The following CACNA2D1 variants were observed in gnomAD, a reference collection of about 807,000 sequenced individuals.
CACNA2D1 encodes calcium voltage-gated channel auxiliary subunit alpha2delta 1.
A neutral mutation model predicts 171.5 loss-of-function variants in CACNA2D1; 53 were observed. That is an observed-to-expected ratio of 0.31 (90% CI 0.25 to 0.39). CACNA2D1 has a LOEUF of 0.39. CACNA2D1 is among the 10% of genes least tolerant of loss of function. The pLI, the probability that CACNA2D1 is intolerant of heterozygous loss-of-function variation, is 1.00. For missense variants in CACNA2D1, 903 were observed against 1,299.8 expected (o/e 0.69, Z 4.69); for synonymous variants, 442 against 443.1 (o/e 1.00, Z 0.03).
intron 4 of CACNA2D1, among the ~76,000 whole-genome samples, chr7:82,140,097 T>C (rs1275299266): frequency 6.6e-6 from 1 of 152,114 alleles, no homozygotes; most frequent in Non-Finnish European, 1.5e-5. Flanking sequence ...GGCCTTGACA[T>C]TTCCATTCTA....
At chr7:82,101,344 A>C (rs1812654679) in intron 6 of CACNA2D1, among the ~76,000 whole-genome samples, 1 of 152,108 alleles carries the variant, frequency 6.6e-6, no homozygotes. Flanking sequence ...GCATGGCCAA[A>C]GTCTTGGGGG....
At position 82,246,892 on chromosome 7, in the gene CACNA2D1, C is replaced by A. The variant is rs868050519; in HGVS notation, c.295-76283G>T. Among the ~76,000 whole-genome samples, 7 of 152,062 alleles carry A rather than the reference C, an allele frequency of 4.6e-5. No individual in the cohort carries two copies. The South Asian group carries it at 6.2e-4, about 14-fold the overall frequency. ...ATTCTTACCTCTCTCCCCACCATCA[C>A]CCCACAAATACACACTTAAAGAAGA... On this transcript the variant is annotated intron_variant, in intron 3 of 38. Coordinates refer to ENST00000356860, the MANE Select transcript of CACNA2D1 (RefSeq NM_000722.4).
At chr7:82,305,370 A>G (rs2129428975) in intron 3 of CACNA2D1, among the ~76,000 whole-genome samples, 1 of 152,324 alleles carries the variant, frequency 6.6e-6, no homozygotes, top group East Asian at 1.9e-4. Context: ...TCTACAAATT[A>G]ACGATAATCC....
intron 7 of CACNA2D1, among the ~76,000 whole-genome samples, chr7:82,081,386 T>G (rs1490220156): frequency 1.3e-5 from 2 of 152,196 alleles, no homozygotes; most frequent in Non-Finnish European, 2.9e-5. Context: ...CGCCCACTTT[T>G]AAAGTTATGA....
chr7:82,293,290 CTT>C (rs1159337284), intron 3 of CACNA2D1, among the ~76,000 whole-genome samples: 1 of 151,644 alleles, frequency 6.6e-6, no homozygotes, highest in African/African-American at 2.4e-5. Context: ...TTGCTTTTGT[CTT>C]TTTTTTCTTT....
intron 3 of CACNA2D1, among the ~76,000 whole-genome samples, chr7:82,284,545 CA>C (rs1322783089): frequency 6.6e-6 from 1 of 152,168 alleles, no homozygotes; most frequent in African/African-American, 2.4e-5. Flanking sequence ...AAGACCAAGG[CA>C]CCAGTACATT....
intron 3 of CACNA2D1, among the ~76,000 whole-genome samples, chr7:82,288,283 C>T (rs1811086032): frequency 6.6e-6 from 1 of 151,852 alleles, no homozygotes; most frequent in Admixed American, 6.6e-5. Flanking sequence ...CCCTTTTATC[C>T]TACCCTTGTC....
chr7:82,103,504 C>A (rs1240121642), intron 6 of CACNA2D1, among the ~76,000 whole-genome samples: 1 of 152,038 alleles, frequency 6.6e-6, no homozygotes. Flanking sequence ...TACTTTTGTA[C>A]ATAATTCTTA....
intron 9 of CACNA2D1, among the ~76,000 whole-genome samples, chr7:82,062,729 CTTTTTTTTTTTTTTTTTT>C (rs71520797): frequency 9.6e-5 from 5 of 52,170 alleles, no homozygotes; most frequent in Non-Finnish European, 1.7e-4. Flanking sequence ...GGTATATCTC[CTTTTTTTTTTTTTTTTTT>C]TTTTTTTTTT....
At chr7:82,101,451 G>A (rs552299583) in intron 6 of CACNA2D1, among the ~76,000 whole-genome samples, 2 of 152,104 alleles carry the variant, frequency 1.3e-5, no homozygotes, top group Admixed American at 1.3e-4. Flanking sequence ...ACAGATGGAA[G>A]TAATAAGACA....
At chr7:82,405,239 T>C (rs184364750) in intron 1 of CACNA2D1, among the ~76,000 whole-genome samples, 43 of 152,242 alleles carry the variant, frequency 2.8e-4, no homozygotes, top group African/African-American at 9.6e-4. Flanking sequence ...TAGACAATAG[T>C]AGTAACATAA....
chr7:82,409,563 C>T (rs1827421591), intron 1 of CACNA2D1, among the ~76,000 whole-genome samples: 2 of 152,278 alleles, frequency 1.3e-5, no homozygotes, highest in South Asian at 4.1e-4. Context: ...ATACCAATGC[C>T]AGGCCAATTA....
At chr7:81,983,768 T>G (rs899654221) in intron 22 of CACNA2D1, among the ~76,000 whole-genome samples, 3 of 152,184 alleles carry the variant, frequency 2.0e-5, no homozygotes, top group African/African-American at 7.2e-5. Context: ...AAATGTACTA[T>G]GTATAATGCA....
In CACNA2D1 at chr7:82,179,623, T is replaced by C. The variant is rs1026338924; in HGVS notation, c.295-9014A>G. ...TCCCATGTGACCGCTCCTTTACATA[T>C]CTAGCAATTATTTTTTACTACCATG... is the stretch of plus-strand genomic sequence containing the variant. On this transcript the variant is annotated intron_variant, in intron 3 of 38. Coordinates refer to ENST00000356860, the MANE Select transcript of CACNA2D1 (RefSeq NM_000722.4). 3.9e-5 allele frequency among the ~76,000 whole-genome samples: 6 copies of C among 152,080 alleles called. No individual in the cohort carries two copies. In the East Asian group the frequency reaches 7.7e-4, roughly 20 times the overall value.
chr7:82,333,206 A>G (rs1341873315), intron 3 of CACNA2D1, among the ~76,000 whole-genome samples: 1 of 152,224 alleles, frequency 6.6e-6, no homozygotes, highest in African/African-American at 2.4e-5. Context: ...ATATAATACA[A>G]ATCAAAATCC....
chr7:82,002,601 C>G (rs894864801), intron 18 of CACNA2D1, among the ~76,000 whole-genome samples: 4 of 152,026 alleles, frequency 2.6e-5, no homozygotes, highest in Non-Finnish European at 5.9e-5. Flanking sequence ...ATAGATTATG[C>G]ACAATTTCCT....
intron 1 of CACNA2D1, among the ~76,000 whole-genome samples, chr7:82,408,661 T>G (rs150924514): frequency 6.6e-6 from 1 of 152,210 alleles, no homozygotes; most frequent in African/African-American, 2.4e-5. Flanking sequence ...TTTCTACTTT[T>G]GTTTAGTGTT....
intron 3 of CACNA2D1, among the ~76,000 whole-genome samples, chr7:82,277,091 G>A (rs1809443436): frequency 6.6e-6 from 1 of 152,080 alleles, no homozygotes; most frequent in Non-Finnish European, 1.5e-5. Context: ...GCCATTTAGA[G>A]ATCGTTCAAA....
intron 3 of CACNA2D1, among the ~76,000 whole-genome samples, chr7:82,247,164 C>CA: frequency 6.6e-6 from 1 of 152,024 alleles, no homozygotes; most frequent in Non-Finnish European, 1.5e-5. Context: ...AAAGCTTTAC[C>CA]AATATTCTTT....
Sources: gnomAD v4.1 joint callset for allele counts (sites outside exome capture counted in the v4.1 genomes callset) on GRCh38, gnomAD v4.1.1 for gene constraint, MANE v1.5 for transcripts, NCBI Gene and HGNC (gene_info 2026-07-23, HGNC 2026-07-21) for gene names.